The following PAPPA2 variants were observed in gnomAD, a reference collection of about 807,000 sequenced individuals.
PAPPA2 encodes the protein pappalysin-2.
Under a neutral mutation model 176.4 loss-of-function variants are expected in PAPPA2, and 86 were observed. The ratio of observed to expected loss-of-function variants is 0.49; its 90% CI spans 0.41 to 0.58. PAPPA2 has a LOEUF of 0.58. Ranked by LOEUF, PAPPA2 falls within the 20% of genes least tolerant of loss-of-function variation. PAPPA2 has a pLI of 0.00. For missense variants in PAPPA2, 2,073 were observed against 2,256.9 expected (o/e 0.92, Z 1.65); for synonymous variants, 809 against 852.2 (o/e 0.95, Z 0.88).
chr1:176,828,611 T>C (rs1195583352), intron 21 of PAPPA2, among the ~76,000 whole-genome samples: 4 of 152,164 alleles, frequency 2.6e-5, no homozygotes, highest in African/African-American at 4.8e-5. Flanking sequence ...CATACAAATA[T>C]ATACATACGG....
intron 3 of PAPPA2, among the ~76,000 whole-genome samples, chr1:176,638,204 A>G (rs1319561420): frequency 6.6e-6 from 1 of 152,102 alleles, no homozygotes; most frequent in Non-Finnish European, 1.5e-5. Context: ...TTAATATTAT[A>G]AAACCATCTA....
Position 176,843,159 on chromosome 1 carries a change from G to C in PAPPA2, c.*705G>C, listed in dbSNP as rs1667545129. The C allele has an allele frequency of 6.6e-6, 1 of 152,098 alleles. No individual in the cohort carries two copies. 9.4% of individuals were successfully genotyped at this position (152,098 alleles called of 1,614,324 possible). On this transcript the variant is annotated 3_prime_UTR_variant, in exon 23 of 23. Transcript: ENST00000367662. The stretch of plus-strand genomic sequence containing the variant: ...CCCATCTTTCTATGGATGCGGATTG[G>C]CAGGTTGAATGGGAAGTACAGAAGG...
intron 2 of PAPPA2, among the ~76,000 whole-genome samples, chr1:176,592,730 A>G (rs1313171727): frequency 6.6e-6 from 1 of 152,160 alleles, no homozygotes; most frequent in East Asian, 1.9e-4. Context: ...CCTCCCCAGT[A>G]CTTTCTCTTA....
At chr1:176,671,192 G>C in intron 4 of PAPPA2, 77 bp downstream of exon 4, 1 of 1,566,790 alleles carries the variant, frequency 6.4e-7, no homozygotes, top group East Asian at 2.3e-5. Context: ...TAAGTTTGGG[G>C]AAAAAAGAAA....
At chr1:176,603,351 T>C (rs1407865995) in intron 3 of PAPPA2, among the ~76,000 whole-genome samples, 1 of 152,228 alleles carries the variant, frequency 6.6e-6, no homozygotes, top group African/African-American at 2.4e-5. Context: ...CTTCAGTGAC[T>C]GGATATAAAT....
chr1:176,726,877 C>T (rs1040269536), intron 12 of PAPPA2, among the ~76,000 whole-genome samples: 4 of 152,110 alleles, frequency 2.6e-5, no homozygotes, highest in African/African-American at 7.2e-5. Flanking sequence ...AGTTGAGCAG[C>T]CTTAATGTTA....
In PAPPA2 at chr1:176,701,921, T is replaced by C. The variant is rs148067458; in HGVS notation, c.3237-686T>C. On this transcript the variant is annotated intron_variant, in intron 8 of 22. Coordinates refer to ENST00000367662, the MANE Select transcript of PAPPA2 (RefSeq NM_020318.3). ...CCTTTCACCCTCACCACACAATCAGTGCACCCAGGATCTAGAGAGAGTCTG... is the reference window on the plus strand; with the variant it reads ...CCTTTCACCCTCACCACACAATCAGCGCACCCAGGATCTAGAGAGAGTCTG... 3.1e-3 allele frequency among the ~76,000 whole-genome samples: 471 copies of C among 152,278 alleles called. 2 individuals are homozygous for C. Among genetic ancestry groups the C allele is most frequent in the African/African-American group, 8.5e-3 (352 of 41,530 alleles).
chr1:176,669,988 G>A (rs1487762996), intron 3 of PAPPA2, among the ~76,000 whole-genome samples: 2 of 152,082 alleles, frequency 1.3e-5, no homozygotes, highest in East Asian at 3.9e-4. Context: ...CCCAGCTGAC[G>A]CTGTGATAGG....
chr1:176,549,999 C>T (rs565468799), intron 1 of PAPPA2, among the ~76,000 whole-genome samples: 1 of 152,348 alleles, frequency 6.6e-6, no homozygotes, highest in East Asian at 1.9e-4. Flanking sequence ...TTTTTCTATT[C>T]AACTATTTCC....
At position 176,644,081 on chromosome 1, in the gene PAPPA2, G is replaced by T. The variant is rs188484046; in HGVS notation, c.1992-26889G>T. On this transcript the variant is annotated intron_variant, in intron 3 of 22. Transcript: ENST00000367662. ...GGCATCCTTCTGGAAGGAAATTAAA[G>T]TTTACAAATGATAATATAAAAGGCA... Among the ~76,000 whole-genome samples the T allele has an allele frequency of 2.8e-3, 418 of 151,916 alleles. 2 individuals are homozygous for T. Among genetic ancestry groups the T allele is most frequent in the Non-Finnish European group, 4.9e-3 (331 of 67,854 alleles).
intron 3 of PAPPA2, among the ~76,000 whole-genome samples, chr1:176,652,102 G>T (rs1425520486): frequency 6.6e-6 from 1 of 151,310 alleles, no homozygotes; most frequent in Non-Finnish European, 1.5e-5. Context: ...TTGAATTTTT[G>T]GTTAGAGAGT....
chr1:176,495,408 C>T (rs1460373259), intron 1 of PAPPA2, among the ~76,000 whole-genome samples: 1 of 151,830 alleles, frequency 6.6e-6, no homozygotes, highest in Non-Finnish European at 1.5e-5. Flanking sequence ...GACATGGTGG[C>T]GCATGCCTCT....
intron 1 of PAPPA2, among the ~76,000 whole-genome samples, chr1:176,475,844 T>C (rs888620959): frequency 1.3e-5 from 2 of 151,412 alleles, no homozygotes; most frequent in Admixed American, 1.3e-4. Context: ...GTCTGAAAAA[T>C]TGGAGTGGTG....
chr1:176,810,259 A>G (rs1369626793), intron 21 of PAPPA2, among the ~76,000 whole-genome samples: 1 of 152,136 alleles, frequency 6.6e-6, no homozygotes, highest in East Asian at 1.9e-4. Context: ...GCATTCATCC[A>G]TAGAGCTCAG....
chr1:176,514,295 G>T (rs942120960), intron 1 of PAPPA2, among the ~76,000 whole-genome samples: 1 of 152,030 alleles, frequency 6.6e-6, no homozygotes, highest in Non-Finnish European at 1.5e-5. Context: ...TTAAACAACA[G>T]CTCCTTTAAA....
chr1:176,517,532 T>G (rs1350743933), intron 1 of PAPPA2, among the ~76,000 whole-genome samples: 1 of 152,180 alleles, frequency 6.6e-6, no homozygotes, highest in African/African-American at 2.4e-5. Flanking sequence ...ACAGCTCTTC[T>G]CAGGCAGGAG....
intron 1 of PAPPA2, among the ~76,000 whole-genome samples, chr1:176,484,934 T>G (rs1366761419): frequency 1.3e-5 from 2 of 152,246 alleles, no homozygotes; most frequent in African/African-American, 4.8e-5. Context: ...TATGGCGGTT[T>G]CTGCTCTGGC....
chr1:176,709,725 C>T (rs925837262), intron 10 of PAPPA2, among the ~76,000 whole-genome samples: 2 of 152,124 alleles, frequency 1.3e-5, no homozygotes, highest in African/African-American at 4.8e-5. Context: ...TGTTCTTTCT[C>T]CCCTGATCTC....
intron 3 of PAPPA2, among the ~76,000 whole-genome samples, chr1:176,632,679 CAG>C (rs1443542634): frequency 1.3e-5 from 2 of 152,168 alleles, no homozygotes; most frequent in Non-Finnish European, 2.9e-5. Flanking sequence ...AGGGAATAAA[CAG>C]AGCTTCTTTG....
Sources: allele counts gnomAD v4.1 joint callset (sites outside exome capture counted in the v4.1 genomes callset), GRCh38; gene constraint gnomAD v4.1.1; transcripts MANE v1.5; gene names NCBI Gene and HGNC (gene_info 2026-07-23, HGNC 2026-07-21).